Variants in TRAM2 observed in about 807,000 individuals in gnomAD.
TRAM2 encodes the protein translocating chain-associated membrane protein 2.
A neutral mutation model predicts 51.0 loss-of-function variants in TRAM2; 12 were observed. That is an observed-to-expected ratio of 0.24 (90% CI 0.15 to 0.38). The LOEUF (loss-of-function observed/expected upper bound fraction) is 0.38. Ranked by LOEUF, TRAM2 falls within the 10% of genes least tolerant of loss-of-function variation. The probability of loss-of-function intolerance (pLI) is 1.00; values close to 1 mark genes in which losing one functional copy is unlikely to be tolerated. For missense variants in TRAM2, 361 were observed against 462.0 expected (o/e 0.78, Z 2.00); for synonymous variants, 175 against 179.4 (o/e 0.98, Z 0.20).
At chr6:52,551,114 T>A (rs1364280579) in intron 1 of TRAM2, among the ~76,000 whole-genome samples, 1 of 152,156 alleles carries the variant, frequency 6.6e-6, no homozygotes, top group African/African-American at 2.4e-5. Context: ...GCCTGAGTTT[T>A]TCAAGGGGGC....
At chr6:52,511,598 G>A (rs1271962137) in intron 4 of TRAM2, among the ~76,000 whole-genome samples, 1 of 152,198 alleles carries the variant, frequency 6.6e-6, no homozygotes, top group Non-Finnish European at 1.5e-5. Flanking sequence ...ACAGGGTTTA[G>A]TAAGAAGCAT....
chr6:52,561,509 G>A (rs572103703), intron 1 of TRAM2, among the ~76,000 whole-genome samples: 2 of 146,308 alleles, frequency 1.4e-5, no homozygotes, highest in Non-Finnish European at 3.0e-5. Context: ...TTTTTGAGAC[G>A]GAGTCTCGCT....
intron 1 of TRAM2, among the ~76,000 whole-genome samples, chr6:52,554,736 A>G (rs1002416129): frequency 4.0e-5 from 6 of 151,530 alleles, no homozygotes; most frequent in African/African-American, 1.2e-4. Context: ...GTCTAGAAGT[A>G]AGAAGTTACA....
chr6:52,527,377 CAA>C (rs11293279), intron 2 of TRAM2, among the ~76,000 whole-genome samples: 92 of 133,654 alleles, frequency 6.9e-4, no homozygotes, highest in South Asian at 7.3e-4. Flanking sequence ...GACTCTATCT[CAA>C]AAAAAAAAAA....
intron 2 of TRAM2, among the ~76,000 whole-genome samples, chr6:52,525,377 C>CCTA (rs1207293240): frequency 1.3e-5 from 2 of 152,244 alleles, no homozygotes; most frequent in African/African-American, 4.8e-5. Flanking sequence ...AGGCTGCTGG[C>CCTA]CTACTCCCTC....
intron 2 of TRAM2, among the ~76,000 whole-genome samples, chr6:52,521,381 G>A (rs1414874688): frequency 6.6e-6 from 1 of 151,506 alleles, no homozygotes; most frequent in Non-Finnish European, 1.5e-5. Context: ...AATTTTGGTT[G>A]CCACTAATTC....
intron 4 of TRAM2, among the ~76,000 whole-genome samples, chr6:52,512,897 AG>A: frequency 6.6e-6 from 1 of 152,378 alleles, no homozygotes; most frequent in Admixed American, 6.5e-5. Flanking sequence ...TCCTGGTACA[AG>A]CACCAGCATT....
chr6:52,534,783 T>A (rs947595270), intron 2 of TRAM2, among the ~76,000 whole-genome samples: 1 of 152,168 alleles, frequency 6.6e-6, no homozygotes, highest in Non-Finnish European at 1.5e-5. Flanking sequence ...CAGCAGCTAC[T>A]CCTTTAGATA....
At chr6:52,508,063 C>T (rs1191459096) in intron 6 of TRAM2, among the ~76,000 whole-genome samples, 171 bp downstream of exon 6, 2 of 152,222 alleles carry the variant, frequency 1.3e-5, no homozygotes, top group Non-Finnish European at 2.9e-5. Context: ...TGGTCAACTA[C>T]ATGACACTTC....
chr6:52,563,315 G>T (rs563106253), intron 1 of TRAM2, among the ~76,000 whole-genome samples: 5 of 152,304 alleles, frequency 3.3e-5, no homozygotes, highest in African/African-American at 1.2e-4. Flanking sequence ...ATTTTGTATA[G>T]GAAAGGAAAC....
chr6:52,575,585 C>T (rs536729527), intron 1 of TRAM2, among the ~76,000 whole-genome samples: 1 of 152,320 alleles, frequency 6.6e-6, no homozygotes, highest in South Asian at 2.1e-4. Flanking sequence ...AGGGCAGCTT[C>T]GCCAGCCAAT....
At chr6:52,566,598 G>A (rs570876924) in intron 1 of TRAM2, among the ~76,000 whole-genome samples, 1 of 152,188 alleles carries the variant, frequency 6.6e-6, no homozygotes, top group South Asian at 2.1e-4. Flanking sequence ...TCAACTCCAC[G>A]GCAGGACCTA....
intron 4 of TRAM2, among the ~76,000 whole-genome samples, chr6:52,510,218 C>A (rs557723694): frequency 6.6e-6 from 1 of 152,242 alleles, no homozygotes; most frequent in Admixed American, 6.5e-5. Context: ...AGTCCCTTCA[C>A]ACTAGGGCCT....
At chr6:52,555,295 C>A (rs1375123633) in intron 1 of TRAM2, among the ~76,000 whole-genome samples, 1 of 151,734 alleles carries the variant, frequency 6.6e-6, no homozygotes, top group Non-Finnish European at 1.5e-5. Context: ...CAACCCACCA[C>A]CTCTCCCCCA....
At chr6:52,516,156 A>G (rs148166136) in intron 3 of TRAM2, 34 bp from the exon 4 acceptor site, 2 of 1,584,000 alleles carry the variant, frequency 1.3e-6, no homozygotes, top group South Asian at 1.1e-5. Flanking sequence ...ATATTAATAT[A>G]CAAATGTATC....
chr6:52,506,621 G>A (rs2067002), intron 7 of TRAM2, among the ~76,000 whole-genome samples: 123,320 of 152,172 alleles, frequency 0.81, 49,961 homozygotes, highest in Admixed American at 0.82. Context: ...CCCGGTCCTC[G>A]CCACTGCTAC....
intron 1 of TRAM2, among the ~76,000 whole-genome samples, chr6:52,563,975 A>G (rs1359059993): frequency 6.6e-6 from 1 of 151,842 alleles, no homozygotes; most frequent in African/African-American, 2.4e-5. Context: ...TAAAGTAGCC[A>G]GCATTCCTAA....
intron 1 of TRAM2, among the ~76,000 whole-genome samples, chr6:52,570,788 G>GCC (rs1258366796): frequency 1.5e-3 from 63 of 42,660 alleles, no homozygotes; most frequent in African/African-American, 3.2e-3. Context: ...AATCCTCCCT[G>GCC]CCCACCACCC....
intron 1 of TRAM2, among the ~76,000 whole-genome samples, chr6:52,542,251 G>A (rs1039551684): frequency 1.4e-4 from 19 of 135,854 alleles, no homozygotes; most frequent in African/African-American, 5.5e-4. Flanking sequence ...TGGTGGGGAA[G>A]AGATTTTTGG....
Sources: gnomAD v4.1 joint callset for allele counts (sites outside exome capture counted in the v4.1 genomes callset) on GRCh38, gnomAD v4.1.1 for gene constraint, MANE v1.5 for transcripts, NCBI Gene and HGNC (gene_info 2026-07-23, HGNC 2026-07-21) for gene names.